Variants in ARHGAP10 observed in about 807,000 individuals in gnomAD.
ARHGAP10 encodes Rho GTPase activating protein 10.
Under a neutral mutation model 108.6 loss-of-function variants are expected in ARHGAP10, and 87 were observed. The observed-to-expected ratio is 0.80, with a 90% CI of 0.67 to 0.96. ARHGAP10 has a LOEUF of 0.96. ARHGAP10 is among the 40% of genes least tolerant of loss of function. The probability of loss-of-function intolerance (pLI) is 0.00; values close to 1 mark genes in which losing one functional copy is unlikely to be tolerated. For synonymous variants in ARHGAP10, 347 were observed against 341.1 expected, an observed-to-expected ratio of 1.02 and a Z score of -0.19; for missense variants, 939 against 954.5, an observed-to-expected ratio of 0.98 and a Z score of 0.21.
chr4:147,804,484 G>A (rs1731703159), intron 1 of ARHGAP10, among the ~76,000 whole-genome samples: 1 of 152,150 alleles, frequency 6.6e-6, no homozygotes, highest in South Asian at 2.1e-4. Flanking sequence ...TGTCTTTATG[G>A]TAGAATGATT....
chr4:147,893,497 C>G (rs1001107634), intron 10 of ARHGAP10, among the ~76,000 whole-genome samples: 2 of 145,780 alleles, frequency 1.4e-5, no homozygotes, highest in Admixed American at 6.9e-5. Flanking sequence ...ATACATATTT[C>G]AATAAAAAGG....
intron 19 of ARHGAP10, among the ~76,000 whole-genome samples, chr4:148,035,576 T>C (rs144507431): frequency 6.6e-6 from 1 of 152,350 alleles, no homozygotes; most frequent in Non-Finnish European, 1.5e-5. Flanking sequence ...TGTCTTGCCA[T>C]GTTTCAGAGG....
intron 1 of ARHGAP10, among the ~76,000 whole-genome samples, chr4:147,782,415 C>G (rs1579037317): frequency 6.6e-6 from 1 of 152,054 alleles, no homozygotes; most frequent in South Asian, 2.1e-4. Flanking sequence ...GTGGGTTCTT[C>G]CGGTATGAGT....
At chr4:147,732,651 C>A (rs937836356) in intron 1 of ARHGAP10, among the ~76,000 whole-genome samples, 196 bp downstream of exon 1, 8 of 152,200 alleles carry the variant, frequency 5.3e-5, no homozygotes, top group Non-Finnish European at 1.0e-4. Context: ...CGCGGCGAGT[C>A]CCCATTCCCG....
At chr4:148,055,132 A>G (rs942120266) in intron 20 of ARHGAP10, among the ~76,000 whole-genome samples, 1 of 152,258 alleles carries the variant, frequency 6.6e-6, no homozygotes, top group African/African-American at 2.4e-5. Flanking sequence ...GTGGAAGAGC[A>G]GTCAGAGATG....
intron 6 of ARHGAP10, 84 bp from the exon 7 acceptor site, chr4:147,866,628 G>C: frequency 1.1e-6 from 1 of 931,302 alleles, no homozygotes. Context: ...GTGAGATGGC[G>C]GGGGGAACAC....
chr4:147,903,733 T>C (rs1299633844), intron 10 of ARHGAP10, among the ~76,000 whole-genome samples: 1 of 152,220 alleles, frequency 6.6e-6, no homozygotes, highest in Non-Finnish European at 1.5e-5. Flanking sequence ...TAGGCTTCTT[T>C]CACTGAGTAG....
intron 13 of ARHGAP10, among the ~76,000 whole-genome samples, chr4:147,926,207 A>G (rs1737453453): frequency 6.6e-6 from 1 of 152,088 alleles, no homozygotes; most frequent in Admixed American, 6.5e-5. Flanking sequence ...ACAGATTTGG[A>G]TGGGAGTGTG....
intron 1 of ARHGAP10, among the ~76,000 whole-genome samples, chr4:147,757,648 A>G (rs1461975760): frequency 6.6e-6 from 1 of 152,180 alleles, no homozygotes; most frequent in Non-Finnish European, 1.5e-5. Flanking sequence ...TCCTCTGAAC[A>G]TTGGCTTACT....
intron 1 of ARHGAP10, among the ~76,000 whole-genome samples, chr4:147,762,151 G>T (rs1215508483): frequency 6.6e-6 from 1 of 152,140 alleles, no homozygotes; most frequent in Non-Finnish European, 1.5e-5. Flanking sequence ...GGGACCATAG[G>T]CATGCGCCAC....
chr4:147,763,746 C>CTTTTTT (rs35774782), intron 1 of ARHGAP10, among the ~76,000 whole-genome samples: 3 of 93,168 alleles, frequency 3.2e-5, no homozygotes, highest in African/African-American at 7.3e-5. Flanking sequence ...ATGGTGATTC[C>CTTTTTT]TTTTTTTTTT....
chr4:147,740,441 G>C (rs1392617502), intron 1 of ARHGAP10, among the ~76,000 whole-genome samples: 1 of 152,146 alleles, frequency 6.6e-6, no homozygotes, highest in Non-Finnish European at 1.5e-5. Context: ...TCTTCTGCTA[G>C]GGAAGTGATA....
intron 18 of ARHGAP10, among the ~76,000 whole-genome samples, chr4:147,995,394 T>A (rs1179215574): frequency 1.3e-5 from 2 of 152,168 alleles, no homozygotes; most frequent in African/African-American, 4.8e-5. Context: ...AAGGGTGATA[T>A]TAAAATACTG....
chr4:147,865,179 A>T (rs948155150), intron 6 of ARHGAP10: 38 of 405,738 alleles, frequency 9.4e-5, no homozygotes, highest in African/African-American at 7.3e-4. Context: ...TAATATTCCC[A>T]TTGCTACATG....
intron 18 of ARHGAP10, among the ~76,000 whole-genome samples, chr4:148,008,912 A>C (rs547320274): frequency 2.6e-4 from 40 of 152,316 alleles, no homozygotes; most frequent in African/African-American, 9.1e-4. Flanking sequence ...TCGGACGTTA[A>C]AGAGATTTGC....
intron 18 of ARHGAP10, among the ~76,000 whole-genome samples, chr4:147,971,748 A>G (rs1272727727): frequency 6.6e-6 from 1 of 152,150 alleles, no homozygotes; most frequent in Non-Finnish European, 1.5e-5. Context: ...GGACTTTTGC[A>G]TTTACTTTTA....
intron 18 of ARHGAP10, among the ~76,000 whole-genome samples, chr4:148,004,651 C>A (rs1384480941): frequency 6.6e-6 from 1 of 152,198 alleles, no homozygotes; most frequent in Non-Finnish European, 1.5e-5. Flanking sequence ...AGCCCATAGT[C>A]AGCAAAAGCC....
In ARHGAP10 at chr4:147,857,593, A is replaced by G. The variant is rs758574810; in HGVS notation, c.425A>G (p.Tyr142Cys). The G allele has an allele frequency of 1.0e-5, 15 of 1,487,358 alleles. No individual in the cohort carries two copies. In the Middle Eastern group the frequency reaches 1.1e-3, roughly 108 times the overall value. The allele number at this position is 1,487,358 out of a possible 1,614,324, so 92.1% of individuals were successfully genotyped here. Residue 142 changes from tyrosine (Y) to cysteine (C), a missense_variant, in exon 5 of 23, where the codon TAT (tyrosine) becomes TGT (cysteine). Transcript: ENST00000336498. ...TTTGACAAAGAGACAGAAAAGAATT[A>G]TAGTCTAATTGATAAACATTTGAAT... ...KKFDKETEKN[Y>C]SLIDKHLNLS...
At chr4:147,883,746 G>A (rs1735431892) in intron 10 of ARHGAP10, among the ~76,000 whole-genome samples, 1 of 151,964 alleles carries the variant, frequency 6.6e-6, no homozygotes, top group South Asian at 2.1e-4. Flanking sequence ...CCAGGCTGGA[G>A]TGCAGTGGTG....
Sources: gnomAD v4.1 joint callset for allele counts (sites outside exome capture counted in the v4.1 genomes callset) on GRCh38, gnomAD v4.1.1 for gene constraint, MANE v1.5 for transcripts, NCBI Gene and HGNC (gene_info 2026-07-23, HGNC 2026-07-21) for gene names.